Variants in PPP6R2 observed in about 807,000 individuals in gnomAD.
PPP6R2 encodes the protein protein phosphatase 6 regulatory subunit 2, also known as serine/threonine-protein phosphatase 6 regulatory subunit 2.
A neutral mutation model predicts 100.2 loss-of-function variants in PPP6R2; 62 were observed. The ratio of observed to expected loss-of-function variants is 0.62; its 90% CI spans 0.50 to 0.76. The LOEUF (loss-of-function observed/expected upper bound fraction) is 0.76, where lower values mean the gene tolerates loss of function less well. Ranked by LOEUF, PPP6R2 falls within the 30% of genes least tolerant of loss-of-function variation. The probability of loss-of-function intolerance (pLI) is 0.00; values close to 1 mark genes in which losing one functional copy is unlikely to be tolerated. For missense variants in PPP6R2, 1,142 were observed against 1,276.3 expected (o/e 0.89, Z 1.60); for synonymous variants, 525 against 514.7 (o/e 1.02, Z -0.27).
chr22:50,340,348 TGTGTGTGGTATGGA>T (rs1443531424), upstream of PPP6R2, among the ~76,000 whole-genome samples: 1 of 125,180 alleles, frequency 8.0e-6, no homozygotes, highest in African/African-American at 3.2e-5. Context: ...GTATGTGGTG[TGTGTGTGGTATGGA>T]GTGTGTGGTA....
chr22:50,383,495 T>C (rs1007528751), intron 2 of PPP6R2, among the ~76,000 whole-genome samples: 6 of 152,148 alleles, frequency 3.9e-5, no homozygotes, highest in Non-Finnish European at 8.8e-5. Context: ...TGCTTCTCTT[T>C]TGGTAGGCGG....
At chr22:50,394,337 G>A (rs1421333201) in intron 3 of PPP6R2, among the ~76,000 whole-genome samples, 1 of 152,194 alleles carries the variant, frequency 6.6e-6, no homozygotes. Context: ...GCTCACGCCT[G>A]TAATCCCAGC....
the PPP6R2 span, among the ~76,000 whole-genome samples, chr22:50,338,296 AGTGTGTG>A: frequency 1.3e-5 from 1 of 74,262 alleles, no homozygotes; most frequent in Non-Finnish European, 2.8e-5. Context: ...TGTGGTGTGT[AGTGTGTG>A]GTGTGTGTGT....
intron 4 of PPP6R2, among the ~76,000 whole-genome samples, chr22:50,410,278 G>T (rs984045604): frequency 7.9e-5 from 12 of 152,222 alleles, no homozygotes; most frequent in African/African-American, 2.6e-4. Context: ...TGAGGTCTTA[G>T]TGTAGCACAG....
intron 6 of PPP6R2, among the ~76,000 whole-genome samples, chr22:50,416,935 G>A (rs575987709): frequency 1.3e-5 from 2 of 152,028 alleles, no homozygotes; most frequent in South Asian, 2.1e-4. Context: ...CAGCCTGGGC[G>A]ACAGTGAGAT....
chr22:50,428,332 G>A (rs777684515), intron 10 of PPP6R2, among the ~76,000 whole-genome samples: 1 of 152,164 alleles, frequency 6.6e-6, no homozygotes, highest in Non-Finnish European at 1.5e-5. Context: ...GCTTTTTTGT[G>A]TGTCAATTTT....
intron 1 of PPP6R2, among the ~76,000 whole-genome samples, chr22:50,348,302 G>A (rs982258335): frequency 1.3e-5 from 2 of 152,186 alleles, no homozygotes; most frequent in Non-Finnish European, 2.9e-5. Flanking sequence ...GACAGCAGGT[G>A]GGGGTGAGAT....
chr22:50,355,322 C>T (rs1207615590), intron 1 of PPP6R2, among the ~76,000 whole-genome samples: 1 of 150,638 alleles, frequency 6.6e-6, no homozygotes, highest in Non-Finnish European at 1.5e-5. Context: ...ACTGCAAGCT[C>T]CGCCTCCCAG....
At chr22:50,389,121 TAGA>T (rs1402933748) in intron 2 of PPP6R2, 1 of 152,206 alleles carries the variant, frequency 6.6e-6, no homozygotes, top group African/African-American at 2.4e-5. Context: ...GGTAAGAATC[TAGA>T]AGATGTTGGT....
At chr22:50,396,319 A>AC (rs1423335641) in intron 3 of PPP6R2, among the ~76,000 whole-genome samples, 3 of 151,976 alleles carry the variant, frequency 2.0e-5, no homozygotes, top group Non-Finnish European at 2.9e-5. Flanking sequence ...ACATGGTGAA[A>AC]CCCCGTCTCT....
chr22:50,423,951 G>GT lies in PPP6R2; in HGVS notation c.1125+339dup, dbSNP rs2061656542. ...TGAACAACATAGAACTTACACGGTG[G>GT]TTATTAGGTATAAAATGGCTAAAAG... On this transcript the variant is annotated intron_variant, in intron 10 of 23. Coordinates refer to ENST00000612753, the MANE Select transcript of PPP6R2 (RefSeq NM_001242898.2). The surrounding 1 kb of genome is among the most constrained non-coding windows in gnomAD (Gnocchi z 4.8). Among the ~76,000 whole-genome samples, 1 of 152,254 alleles carries GT rather than the reference G, an allele frequency of 6.6e-6. No individual in the cohort carries two copies. The highest frequency in any genetic ancestry group is 2.4e-5 in the African/African-American group (1 of 41,462).
chr22:50,375,146 G>A (rs569447275), intron 2 of PPP6R2, among the ~76,000 whole-genome samples: 17 of 152,110 alleles, frequency 1.1e-4, no homozygotes, highest in African/African-American at 2.7e-4. Flanking sequence ...TTATAGAATC[G>A]TGTTATCAAA....
intron 1 of PPP6R2, among the ~76,000 whole-genome samples, chr22:50,370,653 AGACG>A (rs1276128534): frequency 2.7e-5 from 4 of 150,830 alleles, no homozygotes; most frequent in Non-Finnish European, 5.9e-5. Flanking sequence ...CATTTTTTTG[AGACG>A]GAGTCTCACT....
At chr22:50,422,148 G>A (rs531485363) in intron 8 of PPP6R2, 106 bp from the exon 9 acceptor site, 2 of 1,450,148 alleles carry the variant, frequency 1.4e-6, no homozygotes, top group South Asian at 1.4e-5. Context: ...TTCTTTTTGG[G>A]AAAGTTAAAA....
intron 4 of PPP6R2, among the ~76,000 whole-genome samples, chr22:50,414,331 G>GCGGGGGCCCC: frequency 3.7e-5 from 1 of 26,800 alleles, no homozygotes; most frequent in East Asian, 6.1e-4. Flanking sequence ...CTGTGCAGTG[G>GCGGGGGCCCC]CCCCCCCCCC....
At chr22:50,338,910 G>GGTAT (rs1250022275), upstream of PPP6R2, among the ~76,000 whole-genome samples, 5 of 98,904 alleles carry the variant, frequency 5.1e-5, no homozygotes, top group South Asian at 4.0e-4. Flanking sequence ...TGGTGTGTGT[G>GGTAT]GTAGTGTGTG....
intron 4 of PPP6R2, among the ~76,000 whole-genome samples, chr22:50,412,910 G>A (rs1225997121): frequency 6.7e-6 from 1 of 149,970 alleles, no homozygotes; most frequent in Non-Finnish European, 1.5e-5. Flanking sequence ...CTCCCAAAGT[G>A]TTGGGATTAC....
Position 50,423,586 on chromosome 22 carries a change from G to C in PPP6R2, c.1097G>C (p.Cys366Ser). The C allele has an allele frequency of 6.2e-7, 1 of 1,614,166 alleles. No homozygotes were observed. Among genetic ancestry groups the C allele is most frequent in the Non-Finnish European group, 8.5e-7 (1 of 1,180,038 alleles). Residue 366 changes from cysteine to serine, a missense_variant, in exon 10 of 24, where the codon TGC (cysteine) becomes TCC (serine). By Grantham distance (112) the Cys-to-Ser change is moderately radical. Around this residue, in one of 2 missense-constraint regions of PPP6R2, gnomAD observed 592 missense variants for 758.9 expected, o/e 0.78. Transcript: ENST00000612753. This position sits in a 1 kb window ranked among gnomAD's most constrained non-coding sequence, Gnocchi z 4.8. ...ACACCCAGCATCAACCAGGAGCTCT[G>C]CCGGCTCAACACGATGGACTTACTG... is the stretch of plus-strand genomic sequence containing the variant. ...TNTPSINQEL[C>S]RLNTMDLLLD... is the part of the protein sequence containing the mutation.
chr22:50,419,473 C>T lies in PPP6R2; in HGVS notation c.845+11C>T, dbSNP rs374045344. 7.8e-5 allele frequency: 125 copies of T among 1,597,720 alleles called. No individual in the cohort carries two copies. The highest frequency in any genetic ancestry group is 9.3e-5 in the Non-Finnish European group (108 of 1,165,702). On this transcript the variant is annotated intron_variant, in intron 8 of 23. Transcript: ENST00000612753. ...AACCAGGCGGGTTGGGTGAGTCTCA[C>T]GAGGAGAAATCGTGTAGAGCTGAAC...
Sources: allele counts gnomAD v4.1 joint callset (sites outside exome capture counted in the v4.1 genomes callset), GRCh38; gene constraint gnomAD v4.1.1; regional missense constraint gnomAD v4.1.1; non-coding constraint Gnocchi (gnomAD v3.1); transcripts MANE v1.5; gene names NCBI Gene and HGNC (gene_info 2026-07-23, HGNC 2026-07-21).